The following MSRA variants were observed in gnomAD, a reference collection of about 807,000 sequenced individuals.
MSRA encodes the protein methionine sulfoxide reductase A, also known as mitochondrial peptide methionine sulfoxide reductase.
A neutral mutation model predicts 31.3 loss-of-function variants in MSRA; 54 were observed. That is an observed-to-expected ratio of 1.73 (90% CI 1.39 to 2.17). MSRA has a LOEUF of 2.17. MSRA is among the 30% of genes most tolerant of loss of function. The pLI, the probability that MSRA is intolerant of heterozygous loss-of-function variation, is 0.00. For synonymous variants in MSRA, 169 were observed against 116.5 expected, an observed-to-expected ratio of 1.45 and a Z score of -2.90; for missense variants, 507 against 300.9, an observed-to-expected ratio of 1.69 and a Z score of -5.07.
At chr8:10,393,769 C>G (rs1453375035) in intron 5 of MSRA, among the ~76,000 whole-genome samples, 5 of 152,238 alleles carry the variant, frequency 3.3e-5, no homozygotes, top group Non-Finnish European at 7.3e-5. Flanking sequence ...GGTACAGTTA[C>G]ATGGCTAATA....
intron 5 of MSRA, among the ~76,000 whole-genome samples, chr8:10,342,812 G>C (rs1343225752): frequency 6.6e-6 from 1 of 152,256 alleles, no homozygotes; most frequent in Non-Finnish European, 1.5e-5. Flanking sequence ...TCCCAGTTGA[G>C]TGACTTAGGG....
At chr8:10,168,979 G>C (rs567762636) in intron 1 of MSRA, among the ~76,000 whole-genome samples, 46 of 152,264 alleles carry the variant, frequency 3.0e-4, no homozygotes, top group South Asian at 2.1e-3. Context: ...TATGAGGCAC[G>C]GGCAGGTCTT....
intron 5 of MSRA, among the ~76,000 whole-genome samples, chr8:10,336,282 C>G (rs990736325): frequency 6.6e-6 from 1 of 151,970 alleles, no homozygotes; most frequent in East Asian, 1.9e-4. Flanking sequence ...AAAATAGGAC[C>G]TGATTGGAGG....
intron 2 of MSRA, among the ~76,000 whole-genome samples, chr8:10,218,461 T>G (rs529906424): frequency 6.6e-6 from 1 of 152,154 alleles, no homozygotes; most frequent in Non-Finnish European, 1.5e-5. Flanking sequence ...CCTTTTCTTT[T>G]GGTGAAGTTA....
intron 4 of MSRA, among the ~76,000 whole-genome samples, chr8:10,319,334 T>C (rs1317015783): frequency 6.6e-6 from 1 of 152,174 alleles, no homozygotes; most frequent in Non-Finnish European, 1.5e-5. Flanking sequence ...ACCCTTCAGC[T>C]GCTGAGACTG....
intron 1 of MSRA, among the ~76,000 whole-genome samples, chr8:10,086,876 G>A (rs906169308): frequency 1.3e-5 from 2 of 151,096 alleles, no homozygotes; most frequent in Non-Finnish European, 3.0e-5. Context: ...GGGAGGGAGA[G>A]GGAGAGAGAG....
intron 1 of MSRA, among the ~76,000 whole-genome samples, chr8:10,094,077 A>G (rs767157607): frequency 3.9e-5 from 6 of 152,234 alleles, no homozygotes; most frequent in Non-Finnish European, 7.3e-5. Context: ...TTGGTTTTGA[A>G]TTACAAATTC....
At chr8:10,083,604 C>A (rs761279074) in intron 1 of MSRA, among the ~76,000 whole-genome samples, 5 of 152,164 alleles carry the variant, frequency 3.3e-5, no homozygotes, top group African/African-American at 1.2e-4. Context: ...AGTTAAGTAT[C>A]AAATTGGGCA....
chr8:10,214,194 C>A (rs532703010), intron 2 of MSRA, among the ~76,000 whole-genome samples: 4 of 152,044 alleles, frequency 2.6e-5, no homozygotes, highest in Admixed American at 2.6e-4. Context: ...AGCTAAGGTG[C>A]CGAGTGTTCG....
rs140095301 is a variant in MSRA, at chr8:10,286,979, C to T, written c.332-14555C>T. Reference sequence around the variant, plus strand: ...GAAGTCGAGACTCAGAGAGGTTAAGCGATTCGTCCAAATCAAATATTCTAG... The same window carrying T: ...GAAGTCGAGACTCAGAGAGGTTAAGTGATTCGTCCAAATCAAATATTCTAG... On this transcript the variant is annotated intron_variant, in intron 3 of 5. Transcript: ENST00000317173. Among the ~76,000 whole-genome samples the T allele has an allele frequency of 2.6e-3, 391 of 152,322 alleles. 3 individuals are homozygous for T. Among genetic ancestry groups the T allele is most frequent in the South Asian group, 0.015 (74 of 4,822 alleles).
chr8:10,183,061 C>T (rs746989042), intron 1 of MSRA, among the ~76,000 whole-genome samples: 11 of 152,304 alleles, frequency 7.2e-5, no homozygotes, highest in East Asian at 3.9e-4. Flanking sequence ...TTTCCTTTAT[C>T]GTCTCCACTG....
intron 1 of MSRA, among the ~76,000 whole-genome samples, chr8:10,164,435 C>T (rs75252555): frequency 0.013 from 1,995 of 152,222 alleles, 49 homozygotes; most frequent in African/African-American, 0.045. Context: ...AGGAATGGCC[C>T]TCGTTAGCTT....
chr8:10,243,267 G>A (rs191113224), intron 2 of MSRA, among the ~76,000 whole-genome samples: 183 of 152,094 alleles, frequency 1.2e-3, no homozygotes, highest in African/African-American at 4.3e-3. Flanking sequence ...TTTAGGGGTG[G>A]GCTGCCTTCT....
At chr8:10,091,033 T>C (rs1465866812) in intron 1 of MSRA, among the ~76,000 whole-genome samples, 2 of 152,250 alleles carry the variant, frequency 1.3e-5, no homozygotes, top group African/African-American at 2.4e-5. Context: ...TGTGTAGAGA[T>C]GATCGTGTGG....
chr8:10,235,210 G>A (rs1811845013), intron 2 of MSRA, among the ~76,000 whole-genome samples: 1 of 152,034 alleles, frequency 6.6e-6, no homozygotes, highest in South Asian at 2.1e-4. Context: ...AAATAATGAA[G>A]ACCACATTCT....
intron 5 of MSRA, among the ~76,000 whole-genome samples, chr8:10,355,101 A>G (rs1346368677): frequency 6.6e-6 from 1 of 152,010 alleles, no homozygotes; most frequent in Admixed American, 6.6e-5. Flanking sequence ...GTAGCCCATA[A>G]CTCTTTACTG....
chr8:10,365,526 G>C (rs1234255957), intron 5 of MSRA, among the ~76,000 whole-genome samples: 1 of 152,228 alleles, frequency 6.6e-6, no homozygotes, highest in Non-Finnish European at 1.5e-5. Context: ...GTTGTTGGGG[G>C]AAGGGACTAG....
At chr8:10,223,305 C>G (rs1470538346) in intron 2 of MSRA, among the ~76,000 whole-genome samples, 1 of 152,178 alleles carries the variant, frequency 6.6e-6, no homozygotes, top group Non-Finnish European at 1.5e-5. Flanking sequence ...TTGAGAAGCA[C>G]TTCAGATTGT....
chr8:10,081,897 G>A (rs1344044755), intron 1 of MSRA, among the ~76,000 whole-genome samples: 1 of 152,146 alleles, frequency 6.6e-6, no homozygotes, highest in Non-Finnish European at 1.5e-5. Context: ...GCTGACTCTT[G>A]TCTCATTTTC....
Sources: gnomAD v4.1 joint callset for allele counts (sites outside exome capture counted in the v4.1 genomes callset) on GRCh38, gnomAD v4.1.1 for gene constraint, MANE v1.5 for transcripts, NCBI Gene and HGNC (gene_info 2026-07-23, HGNC 2026-07-21) for gene names.